Variants in GLYR1 observed in about 807,000 individuals in gnomAD.
GLYR1 encodes cytokine-like nuclear factor N-PAC.
Under a neutral mutation model 72.7 loss-of-function variants are expected in GLYR1, and 21 were observed. The ratio of observed to expected loss-of-function variants is 0.29; its 90% CI spans 0.20 to 0.42. The LOEUF is 0.42. GLYR1 is among the 10% of genes least tolerant of loss of function. The probability of loss-of-function intolerance (pLI) is 1.00; values close to 1 mark genes in which losing one functional copy is unlikely to be tolerated. For synonymous variants in GLYR1, 392 were observed against 270.2 expected (o/e 1.45, Z -4.42); for missense variants, 594 against 712.1 (o/e 0.83, Z 1.89).
Position 4,812,102 on chromosome 16 carries a change from C to G in GLYR1, c.1266G>C (p.Lys422Asn), listed in dbSNP as rs1019426244. The G allele has an allele frequency of 6.2e-7, 1 of 1,613,716 alleles. No individual in the cohort carries two copies. Among genetic ancestry groups the G allele is most frequent in the African/African-American group, 1.3e-5 (1 of 74,948 alleles). The change falls in exon 13 of 16, where the codon AAG becomes AAC. Residue 422 changes from lysine to asparagine, a missense_variant. Lys to Asn is a moderately conservative substitution (Grantham distance 94). Around this residue, in one of 5 missense-constraint regions of GLYR1, gnomAD observed 266 missense variants for 358.4 expected, o/e 0.74. Transcript: ENST00000321919. ...GCGTGTTACCTAGGAAGAAGGAGGT[C>G]TTCCCCATCGCCTGGAAGCAGCTGC... ...DCSSCFQAMG[K>N]TSFFLGEVGN...
At chr16:4,821,647 A>G in intron 7 of GLYR1, 50 bp from the exon 8 acceptor site, 2 of 1,534,266 alleles carry the variant, frequency 1.3e-6, no homozygotes, top group Non-Finnish European at 1.8e-6. Context: ...AGGCTTAACC[A>G]GTCTTCATAA....
chr16:4,835,847 A>G (rs547849888), intron 3 of GLYR1, among the ~76,000 whole-genome samples: 1 of 152,340 alleles, frequency 6.6e-6, no homozygotes, highest in South Asian at 2.1e-4. Context: ...AGTAACAACA[A>G]AAAAACCCAG....
At chr16:4,823,070 TC>T in intron 6 of GLYR1, 139 bp from the exon 7 acceptor site, 1 of 758,626 alleles carries the variant, frequency 1.3e-6, no homozygotes, top group Non-Finnish European at 2.2e-6. Context: ...GAAACTCTTT[TC>T]CCATTTTGGC....
At chr16:4,837,433 A>G (rs189936301) in intron 3 of GLYR1, among the ~76,000 whole-genome samples, 5 of 147,006 alleles carry the variant, frequency 3.4e-5, no homozygotes, top group African/African-American at 7.4e-5. Context: ...TTGGTCTTTA[A>G]AAAAAAAAAA....
chr16:4,843,543 A>T (rs2085717468), intron 3 of GLYR1: 2 of 1,288,968 alleles, frequency 1.6e-6, no homozygotes, highest in African/African-American at 3.0e-5. Flanking sequence ...GATCTCCTTG[A>T]AATACTGCCA....
chr16:4,826,821 G>T (rs1442624411), intron 5 of GLYR1, among the ~76,000 whole-genome samples: 1 of 152,056 alleles, frequency 6.6e-6, no homozygotes, highest in South Asian at 2.1e-4. Flanking sequence ...TGTGGCTGGG[G>T]CAGCACAGCT....
At chr16:4,837,243 C>T (rs2142030383) in intron 3 of GLYR1, among the ~76,000 whole-genome samples, 1 of 152,156 alleles carries the variant, frequency 6.6e-6, no homozygotes, top group African/African-American at 2.4e-5. Flanking sequence ...ACCAGCCTGG[C>T]CAACATGGCG....
intron 3 of GLYR1, among the ~76,000 whole-genome samples, chr16:4,842,015 G>A (rs56744972): frequency 0.017 from 2,646 of 152,200 alleles, 74 homozygotes; most frequent in African/African-American, 0.06. Flanking sequence ...GCCGAGGCGG[G>A]CAGATCACGA....
intron 9 of GLYR1, 29 bp from the exon 10 acceptor site, chr16:4,817,726 G>T: frequency 7.3e-7 from 1 of 1,361,124 alleles, no homozygotes; most frequent in Non-Finnish European, 1.1e-6. Context: ...GATGAGTTCA[G>T]GGTGGAAAGG....
At chr16:4,846,254 G>A (rs772107675) in intron 1 of GLYR1, 44 bp from the exon 2 acceptor site, 5 of 1,604,486 alleles carry the variant, frequency 3.1e-6, no homozygotes, top group Non-Finnish European at 4.3e-6. Flanking sequence ...GCAAAAGCCA[G>A]TCCATCTCCT....
intron 3 of GLYR1, among the ~76,000 whole-genome samples, chr16:4,842,989 C>A (rs2085677131): frequency 6.6e-6 from 1 of 152,176 alleles, no homozygotes; most frequent in Non-Finnish European, 1.5e-5. Context: ...CATGAGCCAC[C>A]ATGCCCGACC....
intron 12 of GLYR1, among the ~76,000 whole-genome samples, chr16:4,812,919 C>CCTA (rs1411217572): frequency 6.6e-6 from 1 of 151,498 alleles, no homozygotes; most frequent in East Asian, 1.9e-4. Flanking sequence ...GCATCAGCCT[C>CCTA]CTCAGTAGCT....
chr16:4,805,744 A>T (rs1051900464), intron 15 of GLYR1, among the ~76,000 whole-genome samples: 1 of 152,044 alleles, frequency 6.6e-6, no homozygotes, highest in African/African-American at 2.4e-5. Flanking sequence ...TTAGGAGGCC[A>T]AGGTGGGTGA....
At chr16:4,828,204 G>A (rs1256761660) in intron 5 of GLYR1, among the ~76,000 whole-genome samples, 3 of 151,392 alleles carry the variant, frequency 2.0e-5, no homozygotes, top group Non-Finnish European at 4.4e-5. Flanking sequence ...TGAGTAGCTG[G>A]GACTATAGGC....
intron 15 of GLYR1, among the ~76,000 whole-genome samples, chr16:4,810,489 GAC>G (rs1029152877): frequency 1.3e-5 from 2 of 151,198 alleles, no homozygotes; most frequent in Non-Finnish European, 2.9e-5. Flanking sequence ...CAGCCTGGGC[GAC>G]AGAGTGAGAC....
In GLYR1 at chr16:4,811,179, T is replaced by C. The variant is rs376640942; in HGVS notation, c.1578A>G (p.Ala526=). The C allele has an allele frequency of 2.7e-5, 43 of 1,613,732 alleles. No homozygotes were observed. Among genetic ancestry groups the C allele is most frequent in the Admixed American group, 3.3e-5 (2 of 59,998 alleles). Residue 526 remains alanine (A), a synonymous_variant, in exon 15 of 16, where the codon GCA becomes GCG. Transcript: ENST00000321919. ...GCCACATCTACCCTACCTCATTTGC[T>C]GCAGCTGCCATGGGAGTCGGATGGT... ...AVNHPTPMAA[A]ANEVYKRAKA... is the part of the protein sequence containing the mutation.
intron 12 of GLYR1, among the ~76,000 whole-genome samples, chr16:4,812,465 G>A (rs562449005): frequency 1.3e-5 from 2 of 152,160 alleles, no homozygotes; most frequent in East Asian, 1.9e-4. Flanking sequence ...GAGACGCTGG[G>A]GTCTCCACAC....
intron 3 of GLYR1, chr16:4,843,471 T>C (rs998274513): frequency 8.0e-7 from 1 of 1,251,654 alleles, no homozygotes; most frequent in Non-Finnish European, 1.0e-6. Context: ...TCTTTTTAAA[T>C]CCATGGAGTT....
chr16:4,831,870 C>T, intron 5 of GLYR1, 109 bp downstream of exon 5: 1 of 1,443,200 alleles, frequency 6.9e-7, no homozygotes, highest in Non-Finnish European at 9.3e-7. Flanking sequence ...GCTCCCACTC[C>T]ATGAGCAGAG....
Sources: gnomAD v4.1 joint callset for allele counts (sites outside exome capture counted in the v4.1 genomes callset) on GRCh38, gnomAD v4.1.1 for gene constraint, gnomAD v4.1.1 regional missense constraint, MANE v1.5 for transcripts, NCBI Gene and HGNC (gene_info 2026-07-23, HGNC 2026-07-21) for gene names.